Variants in NUCB1 observed in about 807,000 individuals in gnomAD.
NUCB1 encodes nucleobindin-1.
In NUCB1, 47 loss-of-function variants were observed where a neutral mutation model predicts 61.2. The observed-to-expected ratio is 0.77, with a 90% CI of 0.61 to 0.98. The LOEUF is 0.98. Ranked by LOEUF, NUCB1 falls within the 50% of genes least tolerant of loss-of-function variation. NUCB1 has a pLI of 0.00. For synonymous variants in NUCB1, 234 were observed against 243.1 expected (o/e 0.96, Z 0.35); for missense variants, 583 against 605.3 (o/e 0.96, Z 0.39).
chr19:48,919,069 A>G lies in NUCB1; in HGVS notation c.856A>G (p.Met286Val). 3.1e-6 allele frequency: 5 copies of G among 1,614,166 alleles called. No individual in the cohort carries two copies. The highest frequency in any genetic ancestry group is 3.4e-6 in the Non-Finnish European group (4 of 1,180,030). Reference sequence around the variant, plus strand: ...CGACCCAAAGAATGAGGAGGACGACATGCGGGAGATGGAGGAGGAGCGACT... The same window carrying G: ...CGACCCAAAGAATGAGGAGGACGACGTGCGGGAGATGGAGGAGGAGCGACT... ...VYDPKNEEDDMREMEEERLRM... is the reference protein window; with the variant it reads ...VYDPKNEEDDVREMEEERLRM... The change falls in exon 9 of 13, where the codon ATG (methionine) becomes GTG (valine). Residue 286 changes from methionine to valine, a missense_variant. Met to Val is a conservative substitution (Grantham distance 21). Transcript: ENST00000405315.
At chr19:48,905,984 T>TCCCTCC in intron 4 of NUCB1, 99 bp downstream of exon 4, 1 of 1,286,146 alleles carries the variant, frequency 7.8e-7, no homozygotes, top group Non-Finnish European at 1.1e-6. Flanking sequence ...AGGTGAGGCC[T>TCCCTCC]CCCTCCCCGC....
At chr19:48,911,405 CTTTTTT>C (rs1163076168) in intron 5 of NUCB1, among the ~76,000 whole-genome samples, 153 bp downstream of exon 5, 1 of 104,442 alleles carries the variant, frequency 9.6e-6, no homozygotes, top group South Asian at 3.4e-4. Flanking sequence ...CTTTTCTTTT[CTTTTTT>C]TTTTTTTTTT....
At chr19:48,900,693 G>C in intron 1 of NUCB1, 93 bp from the exon 2 acceptor site, 4 of 1,469,850 alleles carry the variant, frequency 2.7e-6, no homozygotes, top group Non-Finnish European at 3.7e-6. Context: ...TCTTGGAAGT[G>C]GGGGCGGCGC....
At chr19:48,918,939 C>A in intron 8 of NUCB1, 91 bp from the exon 9 acceptor site, 1 of 1,385,836 alleles carries the variant, frequency 7.2e-7, no homozygotes, top group Non-Finnish European at 1.0e-6. Context: ...GGAGTGGTAG[C>A]GTGCCCAAAG....
chr19:48,903,921 G>A (rs983364142), intron 2 of NUCB1, among the ~76,000 whole-genome samples: 1 of 146,184 alleles, frequency 6.8e-6, no homozygotes, highest in South Asian at 2.3e-4. Context: ...TGGATGGATG[G>A]ATGGGTGGGT....
intron 3 of NUCB1, 131 bp from the exon 4 acceptor site, chr19:48,905,622 C>A: frequency 9.2e-7 from 1 of 1,086,268 alleles, no homozygotes; most frequent in Non-Finnish European, 1.3e-6. Flanking sequence ...TTCCTGGAGA[C>A]TCTGAGGAGC....
At chr19:48,913,998 T>C (rs1401244653) in intron 7 of NUCB1, among the ~76,000 whole-genome samples, 1 of 150,264 alleles carries the variant, frequency 6.7e-6, no homozygotes, top group Non-Finnish European at 1.5e-5. Context: ...GATGGAGTCT[T>C]GCTCTGTTGC....
chr19:48,916,269 T>C (rs1424600118), intron 7 of NUCB1, among the ~76,000 whole-genome samples: 1 of 152,114 alleles, frequency 6.6e-6, no homozygotes, highest in African/African-American at 2.4e-5. Flanking sequence ...AATTTCTATT[T>C]CAATTGCCCC....
intron 4 of NUCB1, among the ~76,000 whole-genome samples, chr19:48,906,192 G>A (rs1251660148): frequency 6.6e-6 from 1 of 152,138 alleles, no homozygotes; most frequent in African/African-American, 2.4e-5. Context: ...GGTCACCTGA[G>A]GTCGGGAATT....
intron 3 of NUCB1, 115 bp from the exon 4 acceptor site, chr19:48,905,638 G>A (rs763342353): frequency 4.1e-5 from 51 of 1,239,792 alleles, no homozygotes; most frequent in Non-Finnish European, 5.3e-5. Context: ...GGAGCTGGGG[G>A]ACTATAAGCA....
intron 4 of NUCB1, among the ~76,000 whole-genome samples, chr19:48,908,721 GGTGTGTGTGTGTGTGTGTGTGTGTGT>G (rs57686025): frequency 1.8e-5 from 2 of 109,328 alleles, no homozygotes; most frequent in South Asian, 3.3e-4. Context: ...TTGACCAAGG[GGTGTGTGTGTGTGTGTGTGTGTGTGT>G]GTGTGTGTGT....
intron 3 of NUCB1, among the ~76,000 whole-genome samples, chr19:48,905,101 C>G (rs73063522): frequency 0.11 from 17,235 of 152,178 alleles, 1,235 homozygotes; most frequent in Non-Finnish European, 0.16. Flanking sequence ...TTGGATTTTC[C>G]AAGGGAAGGA....
Position 48,922,376 on chromosome 19 carries a change from G to A in NUCB1, c.1338G>A (p.Lys446=). 6.2e-7 allele frequency: 1 copy of A among 1,613,810 alleles called. No individual in the cohort carries two copies. The highest frequency in any genetic ancestry group is 8.5e-7 in the Non-Finnish European group (1 of 1,179,826). ...AGAAGGAGGTGGACACTTCAGAAAA[G>A]AAACTTCTCGAGCGGCTCCCTGAGG... ...GDQKEVDTSE[K]KLLERLPEVE... is the part of the protein sequence containing the mutation. Residue 446 remains lysine (K), a synonymous_variant, in exon 13 of 13, where the codon AAG becomes AAA. Transcript: ENST00000405315.
intron 7 of NUCB1, among the ~76,000 whole-genome samples, chr19:48,914,635 A>G (rs1471168668): frequency 1.3e-5 from 2 of 152,168 alleles, no homozygotes; most frequent in African/African-American, 4.8e-5. Context: ...CAATTAAATT[A>G]ACGTACCATT....
At chr19:48,910,809 G>A (rs1482117931) in intron 4 of NUCB1, 2 of 204,784 alleles carry the variant, frequency 9.8e-6, no homozygotes, top group Non-Finnish European at 2.0e-5. Context: ...CCCTCAAGGG[G>A]TCTCAGTTTT....
rs2037574533 is a variant in NUCB1 at position 48,919,029 on chromosome 19, G to A, written c.817-1G>A. Reference sequence around the variant, plus strand: ...TGTCTGCCTCTCGCTTGCTCCTGCAGCTGGAGAAAGTGTACGACCCAAAGA... The same window carrying A: ...TGTCTGCCTCTCGCTTGCTCCTGCAACTGGAGAAAGTGTACGACCCAAAGA... On this transcript the variant is annotated splice_acceptor_variant, in intron 8 of 12. Coordinates refer to ENST00000405315, the MANE Select transcript of NUCB1 (RefSeq NM_006184.6). LOFTEE classifies it high-confidence loss of function. The A allele has an allele frequency of 2.5e-6, 4 of 1,613,652 alleles. No individual in the cohort carries two copies. Among genetic ancestry groups the A allele is most frequent in the Non-Finnish European group, 3.4e-6 (4 of 1,179,920 alleles).
chr19:48,922,521 C>A lies in NUCB1; in HGVS notation c.*97C>A. 1 of 978,786 alleles carries A rather than the reference C, an allele frequency of 1.0e-6. No individual in the cohort carries two copies. Among genetic ancestry groups the A allele is most frequent in the South Asian group, 1.4e-5 (1 of 73,058 alleles). The allele number at this position is 978,786 out of a possible 1,614,324, so 60.6% of individuals were successfully genotyped here. ...AGTCAGCTTCCCTGGGGGCTGGTGT[C>A]ATGTTGGGCTCCTGGGGCGGGGGCA... On this transcript the variant is annotated 3_prime_UTR_variant, in exon 13 of 13. Transcript: ENST00000405315.
At chr19:48,904,587 C>A (rs140120016) in intron 3 of NUCB1, 133 bp downstream of exon 3, 3 of 600,354 alleles carry the variant, frequency 5.0e-6, no homozygotes. Context: ...TGCGATGGTG[C>A]GATCTCAGCT....
Position 48,913,142 on chromosome 19 carries a change from G to A in NUCB1, c.612G>A (p.Arg204=). ...AGGAGCAGAGAAAGGAGGCGGAGAG[G>A]AAGCTGGAAGAGCAACAGCGCCGGC... ...LGEEQRKEAE[R]KLEEQQRRHR... Residue 204 remains arginine, a synonymous_variant, in exon 6 of 13, where the codon AGG becomes AGA. Coordinates refer to ENST00000405315, the MANE Select transcript of NUCB1 (RefSeq NM_006184.6). 6.2e-7 allele frequency: 1 copy of A among 1,613,948 alleles called. No homozygotes were observed.
Sources: gnomAD v4.1 joint callset for allele counts (sites outside exome capture counted in the v4.1 genomes callset) on GRCh38, gnomAD v4.1.1 for gene constraint, MANE v1.5 for transcripts, NCBI Gene and HGNC (gene_info 2026-07-23, HGNC 2026-07-21) for gene names.